PDE10A: variants seen among roughly 807,000 people sequenced by gnomAD.
PDE10A encodes phosphodiesterase 10A.
PDE10A carries 39 observed loss-of-function variants against 97.7 expected under a neutral mutation model. The observed-to-expected ratio is 0.40, with a 90% CI of 0.31 to 0.52. The LOEUF (loss-of-function observed/expected upper bound fraction) is 0.52, where lower values mean the gene tolerates loss of function less well. PDE10A is among the 20% of genes least tolerant of loss of function. The pLI is 0.56. For missense variants in PDE10A, 731 were observed against 1,047.8 expected, an observed-to-expected ratio of 0.70 and a Z score of 4.17; for synonymous variants, 371 against 376.8, an observed-to-expected ratio of 0.98 and a Z score of 0.18.
In PDE10A at chr6:165,633,098, A is replaced by G. The variant is rs548818888; in HGVS notation, c.865+28849T>C. 3.9e-5 allele frequency among the ~76,000 whole-genome samples: 6 copies of G among 152,124 alleles called. No individual in the cohort carries two copies. The South Asian group carries it at 1.2e-3, about 32-fold the overall frequency. ...CCGTGTCAAAAAAAAAAAAGAAAAG[A>G]AAAAAGAAAAAAAAGAAACAGCTTT... On this transcript the variant is annotated intron_variant, in intron 1 of 21. Transcript: ENST00000539869.
chr6:165,819,093 C>T lies in PDE10A; in HGVS notation c.-615+168436G>A, dbSNP rs907950995. Among the ~76,000 whole-genome samples, 1 of 152,176 alleles carries T rather than the reference C, an allele frequency of 6.6e-6. No individual in the cohort carries two copies. The highest frequency in any genetic ancestry group is 1.5e-5 in the Non-Finnish European group (1 of 68,032). On this transcript the variant is annotated intron_variant, in intron 1 of 19. Transcript: ENST00000366882. The surrounding 1 kb of genome is among the most constrained non-coding windows in gnomAD (Gnocchi z 4.2). Reference sequence around the variant, plus strand: ...AGCTTGAGTCCTGTGTGCCCACTGGCTGCTGGATCCTGCAGGCATCTCAAA... The same window carrying T: ...AGCTTGAGTCCTGTGTGCCCACTGGTTGCTGGATCCTGCAGGCATCTCAAA...
intron 1 of PDE10A, among the ~76,000 whole-genome samples, chr6:165,868,322 C>CA (rs1322145706): frequency 6.6e-6 from 1 of 151,714 alleles, no homozygotes; most frequent in African/African-American, 2.4e-5. Flanking sequence ...AAATCAGGAA[C>CA]AAAAAAGACC....
intron 10 of PDE10A, among the ~76,000 whole-genome samples, chr6:165,420,406 C>A (rs1429990903): frequency 6.6e-6 from 1 of 152,096 alleles, no homozygotes; most frequent in African/African-American, 2.4e-5. Flanking sequence ...CCAAAACTCT[C>A]AATAAATATT....
At chr6:165,874,628 G>A (rs534569647) in intron 1 of PDE10A, among the ~76,000 whole-genome samples, 4 of 152,330 alleles carry the variant, frequency 2.6e-5, no homozygotes, top group African/African-American at 7.2e-5. Flanking sequence ...TAAACAGTAT[G>A]TGTTTTCTAT....
intron 13 of PDE10A, among the ~76,000 whole-genome samples, chr6:165,406,228 A>ATATGTGTGTGTGTGTGTGTGTG (rs140845501): frequency 5.8e-4 from 81 of 140,510 alleles, no homozygotes; most frequent in African/African-American, 2.1e-3. Context: ...AGGGAAAAGG[A>ATATGTGTGTGTGTGTGTGTGTG]TGTGTGTGTG....
At chr6:165,699,067 C>T (rs1791507121) in intron 1 of PDE10A, among the ~76,000 whole-genome samples, 1 of 152,076 alleles carries the variant, frequency 6.6e-6, no homozygotes, top group Non-Finnish European at 1.5e-5. Context: ...GAATAAAAAA[C>T]ATGGTCTAAC....
At chr6:165,656,646 A>T (rs1352344807) in intron 1 of PDE10A, among the ~76,000 whole-genome samples, 1 of 152,070 alleles carries the variant, frequency 6.6e-6, no homozygotes, top group Non-Finnish European at 1.5e-5. Flanking sequence ...TCCCCAACCT[A>T]CCACCTGTCC....
intron 18 of PDE10A, among the ~76,000 whole-genome samples, chr6:165,348,937 T>C (rs1359239614): frequency 1.3e-5 from 2 of 152,190 alleles, no homozygotes; most frequent in African/African-American, 4.8e-5. Flanking sequence ...GTAAGTCTCC[T>C]GAGGCCGCCC....
chr6:165,627,541 C>T (rs1028475027), intron 1 of PDE10A, among the ~76,000 whole-genome samples: 27 of 152,288 alleles, frequency 1.8e-4, no homozygotes, highest in African/African-American at 6.5e-4. Context: ...ACGACACAGA[C>T]ACCAAGCTCT....
At chr6:165,410,561 G>T (rs982878152) in intron 13 of PDE10A, among the ~76,000 whole-genome samples, 4 of 152,082 alleles carry the variant, frequency 2.6e-5, no homozygotes, top group African/African-American at 7.2e-5. Context: ...CAGAATGAAC[G>T]GACGTAGAGA....
At chr6:165,604,802 A>C (rs705789) in intron 1 of PDE10A, among the ~76,000 whole-genome samples, 46,329 of 152,142 alleles carry the variant, frequency 0.3, 8,111 homozygotes, top group African/African-American at 0.49. Flanking sequence ...ATACATGTGG[A>C]TTTCAGTGTA....
intron 10 of PDE10A, among the ~76,000 whole-genome samples, chr6:165,423,989 T>C (rs1583256945): frequency 6.6e-6 from 1 of 152,130 alleles, no homozygotes; most frequent in East Asian, 1.9e-4. Context: ...AAAACACATA[T>C]CTGATCTTGC....
chr6:165,780,029 C>G (rs1037160449), intron 1 of PDE10A, among the ~76,000 whole-genome samples: 4 of 152,186 alleles, frequency 2.6e-5, no homozygotes, highest in African/African-American at 9.7e-5. Flanking sequence ...GTGTTACTGC[C>G]TTTTCTCTAC....
chr6:165,848,692 A>G (rs1485788268), intron 1 of PDE10A, among the ~76,000 whole-genome samples: 1 of 152,188 alleles, frequency 6.6e-6, no homozygotes, highest in Non-Finnish European at 1.5e-5. Context: ...TGGCCCCCCA[A>G]GGGTATCCAG....
In PDE10A at chr6:165,433,662, A is replaced by G. The variant is rs577558389; in HGVS notation, c.1336-533T>C. 6.6e-5 allele frequency among the ~76,000 whole-genome samples: 10 copies of G among 152,344 alleles called. 1 individual carries two copies. The East Asian group carries it at 1.9e-3, about 29-fold the overall frequency. The stretch of plus-strand genomic sequence containing the variant: ...AACTAATAATGATCAATTACTTATC[A>G]TAAGAAATGAAATTGGTTCTTTGAT... On this transcript the variant is annotated intron_variant, in intron 6 of 21. Coordinates refer to ENST00000539869, the MANE Select transcript of PDE10A (RefSeq NM_001385079.1).
At chr6:165,977,840 T>A (rs12202930) in intron 1 of PDE10A, among the ~76,000 whole-genome samples, 22,496 of 152,186 alleles carry the variant, frequency 0.15, 1,921 homozygotes, top group Non-Finnish European at 0.2. Flanking sequence ...TTGAAACTAC[T>A]CAAATGTCCA....
intron 2 of PDE10A, among the ~76,000 whole-genome samples, chr6:165,495,371 C>T (rs1223614139): frequency 2.6e-5 from 4 of 151,488 alleles, no homozygotes. Context: ...GAGAAAGGGA[C>T]AGGAAGGAGA....
chr6:165,724,593 G>A (rs907766570), intron 1 of PDE10A, among the ~76,000 whole-genome samples: 8 of 152,188 alleles, frequency 5.3e-5, no homozygotes, highest in African/African-American at 1.9e-4. Context: ...GTGTAATTTT[G>A]AAGTTTCTTT....
At chr6:165,704,934 T>G (rs897979052) in intron 1 of PDE10A, among the ~76,000 whole-genome samples, 1 of 152,162 alleles carries the variant, frequency 6.6e-6, no homozygotes, top group African/African-American at 2.4e-5. Context: ...ACAGGATAAT[T>G]TGTACCACAC....
Sources: allele counts gnomAD v4.1 joint callset (sites outside exome capture counted in the v4.1 genomes callset), GRCh38; gene constraint gnomAD v4.1.1; non-coding constraint Gnocchi (gnomAD v3.1); transcripts MANE v1.5; gene names NCBI Gene and HGNC (gene_info 2026-07-23, HGNC 2026-07-21).